PRKAG2: variants seen among roughly 807,000 people sequenced by gnomAD.
PRKAG2 encodes the protein 5'-AMP-activated protein kinase subunit gamma-2.
Under a neutral mutation model 69.6 loss-of-function variants are expected in PRKAG2, and 26 were observed. The observed-to-expected ratio is 0.37, with a 90% confidence interval of 0.27 to 0.52. The LOEUF (loss-of-function observed/expected upper bound fraction) is 0.52. Ranked by LOEUF, PRKAG2 falls within the 20% of genes least tolerant of loss-of-function variation. The pLI is 0.90. For synonymous variants in PRKAG2, 293 were observed against 285.0 expected (o/e 1.03, Z -0.28); for missense variants, 557 against 740.0 (o/e 0.75, Z 2.87).
Position 151,876,542 on chromosome 7 carries a change from T to C in PRKAG2, c.79A>G (p.Ser27Gly). The change falls in exon 1 of 16, where the codon AGC becomes GGC. Residue 27 changes from serine (S) to glycine (G), a missense_variant. Physicochemically the swap from Ser to Gly is moderately conservative, Grantham distance 56. This residue lies in a region of PRKAG2 where 352 missense variants were observed against 356.7 expected (regional missense o/e 0.99). Coordinates refer to ENST00000287878, the MANE Select transcript of PRKAG2 (RefSeq NM_016203.4). ...ACGCGCAGCGAACGCCTCTTCTGGC[T>C]GGCATTTTTCTTGCCGCCGCTCCCG... ...PGGSGGKKNASQKRRSLRVHI... is the reference protein window; with the variant it reads ...PGGSGGKKNAGQKRRSLRVHI... 1 of 1,609,296 alleles carries C rather than the reference T, an allele frequency of 6.2e-7. No homozygotes were observed. Among genetic ancestry groups the C allele is most frequent in the Non-Finnish European group, 8.5e-7 (1 of 1,179,930 alleles).
chr7:151,827,754 A>AAAC (rs2078934832), intron 1 of PRKAG2, among the ~76,000 whole-genome samples: 1 of 147,820 alleles, frequency 6.8e-6, no homozygotes, highest in African/African-American at 2.5e-5. Flanking sequence ...GTAAAAAAAA[A>AAAC]AAAAAAAAAA....
chr7:151,590,999 T>C (rs532294645), intron 6 of PRKAG2, among the ~76,000 whole-genome samples: 1 of 152,220 alleles, frequency 6.6e-6, no homozygotes, highest in Non-Finnish European at 1.5e-5. Flanking sequence ...CAGTGAACTA[T>C]ACAGGAGGAA....
At chr7:151,568,880 G>T in intron 10 of PRKAG2, 38 bp from the exon 11 acceptor site, 1 of 1,611,482 alleles carries the variant, frequency 6.2e-7, no homozygotes, top group South Asian at 1.1e-5. Context: ...GGAGGCTTTC[G>T]AGAAAAATCA....
In PRKAG2 at chr7:151,850,015, G is replaced by T. The variant is rs931502559; in HGVS notation, c.114+26492C>A. Among the ~76,000 whole-genome samples, 6 of 152,200 alleles carry T rather than the reference G, an allele frequency of 3.9e-5. No homozygotes were observed. The highest frequency in any genetic ancestry group is 5.9e-5 in the Non-Finnish European group (4 of 68,036). Reference sequence around the variant, plus strand: ...CGCAGCACGTTTGCCATTTTCCGGAGCGTGCTGTAGCTAGGCACAGAGAGG... The same window carrying T: ...CGCAGCACGTTTGCCATTTTCCGGATCGTGCTGTAGCTAGGCACAGAGAGG... On this transcript the variant is annotated intron_variant, in intron 1 of 15. Coordinates refer to ENST00000287878, the MANE Select transcript of PRKAG2 (RefSeq NM_016203.4). The surrounding 1 kb of genome is among the most constrained non-coding windows in gnomAD (Gnocchi z 4.1).
At chr7:151,751,523 T>TTTA (rs1563591935) in intron 3 of PRKAG2, among the ~76,000 whole-genome samples, 10 of 136,328 alleles carry the variant, frequency 7.3e-5, no homozygotes, top group South Asian at 7.1e-4. Context: ...TTATTTATTT[T>TTTA]TTTGAGACAG....
chr7:151,734,673 C>T (rs1799476109), intron 3 of PRKAG2, among the ~76,000 whole-genome samples: 1 of 152,150 alleles, frequency 6.6e-6, no homozygotes, highest in Non-Finnish European at 1.5e-5. Flanking sequence ...TCTCAGCCTC[C>T]TGAGTAGCTG....
intron 4 of PRKAG2, among the ~76,000 whole-genome samples, chr7:151,651,191 T>C (rs1204201899): frequency 1.3e-5 from 2 of 152,254 alleles, no homozygotes; most frequent in African/African-American, 4.8e-5. Flanking sequence ...AAATGCTTTT[T>C]AGTTATTGTG....
chr7:151,779,784 C>T (rs1025592764), intron 3 of PRKAG2, among the ~76,000 whole-genome samples: 7 of 152,350 alleles, frequency 4.6e-5, no homozygotes, highest in Admixed American at 3.9e-4. Context: ...CACACATCCT[C>T]CTTCTCTTTG....
chr7:151,574,557 C>A (rs748949825), intron 8 of PRKAG2, among the ~76,000 whole-genome samples: 2 of 152,182 alleles, frequency 1.3e-5, no homozygotes, highest in Non-Finnish European at 2.9e-5. Context: ...CTCAACAGGC[C>A]CGCAGAGATA....
Position 151,632,267 on chromosome 7 carries a change from A to C in PRKAG2, c.685-129T>G. 9.7e-7 allele frequency: 1 copy of C among 1,029,778 alleles called. No individual in the cohort carries two copies. The highest frequency in any genetic ancestry group is 1.2e-6 in the Non-Finnish European group (1 of 859,198). 63.8% of individuals were successfully genotyped at this position (1,029,778 alleles called of 1,614,324 possible). ...GCCGGGAGGAGGGGCCTGGCAGGGGACGCGGGCAGCGGGGGCCGGGGGCGG... is the reference window on the plus strand; with the variant it reads ...GCCGGGAGGAGGGGCCTGGCAGGGGCCGCGGGCAGCGGGGGCCGGGGGCGG... On this transcript the variant is annotated intron_variant, in intron 4 of 15. Coordinates refer to ENST00000287878, the MANE Select transcript of PRKAG2 (RefSeq NM_016203.4). This position sits in a 1 kb window ranked among gnomAD's most constrained non-coding sequence, Gnocchi z 4.2.
chr7:151,558,647 C>T (rs570062449), intron 15 of PRKAG2: 4 of 976,256 alleles, frequency 4.1e-6, no homozygotes, highest in Admixed American at 6.1e-5. Flanking sequence ...ATTAGTAACA[C>T]GGAATGTTTT....
intron 1 of PRKAG2, among the ~76,000 whole-genome samples, chr7:151,851,372 C>T (rs960710762): frequency 2.0e-5 from 3 of 151,618 alleles, no homozygotes; most frequent in African/African-American, 7.3e-5. Context: ...AAAATCACTT[C>T]TGCTTTTGCC....
chr7:151,795,777 C>T (rs746737710), intron 1 of PRKAG2, among the ~76,000 whole-genome samples: 25 of 144,772 alleles, frequency 1.7e-4, no homozygotes, highest in Non-Finnish European at 3.5e-4. Context: ...GCTTCTAGTC[C>T]GTCTGCCCAG....
intron 4 of PRKAG2, among the ~76,000 whole-genome samples, chr7:151,647,914 G>T (rs573661738): frequency 7.9e-5 from 12 of 152,210 alleles, no homozygotes; most frequent in Non-Finnish European, 1.8e-4. Flanking sequence ...GTACTGCAGA[G>T]ATAAGAACAG....
intron 3 of PRKAG2, among the ~76,000 whole-genome samples, chr7:151,751,098 CTT>C (rs11386133): frequency 1.2e-4 from 16 of 130,846 alleles, no homozygotes; most frequent in African/African-American, 1.5e-4. Context: ...TCAAAGATTC[CTT>C]TTTTTTTTTT....
intron 1 of PRKAG2, among the ~76,000 whole-genome samples, chr7:151,799,063 T>A (rs2077694338): frequency 6.6e-6 from 1 of 152,132 alleles, no homozygotes; most frequent in African/African-American, 2.4e-5. Context: ...TGTCAGCTTC[T>A]GTTCCCAACT....
intron 3 of PRKAG2, among the ~76,000 whole-genome samples, chr7:151,728,832 G>A (rs553045951): frequency 1.1e-3 from 175 of 152,216 alleles, no homozygotes; most frequent in Non-Finnish European, 2.1e-3. Context: ...GCCCAGCCCC[G>A]TCCACAGGCG....
intron 3 of PRKAG2, among the ~76,000 whole-genome samples, chr7:151,755,585 C>A (rs745918084): frequency 1.3e-5 from 2 of 152,180 alleles, no homozygotes; most frequent in Non-Finnish European, 2.9e-5. Flanking sequence ...CAAATTACTA[C>A]CCAATGGCCC....
At chr7:151,694,676 C>T (rs545666372) in intron 3 of PRKAG2, among the ~76,000 whole-genome samples, 35 of 152,356 alleles carry the variant, frequency 2.3e-4, no homozygotes, top group African/African-American at 7.5e-4. Context: ...ACACACAGCA[C>T]GGAGGGCTTT....
Sources: gnomAD v4.1 joint callset for allele counts (sites outside exome capture counted in the v4.1 genomes callset) on GRCh38, gnomAD v4.1.1 for gene constraint, gnomAD v4.1.1 regional missense constraint, Gnocchi (gnomAD v3.1) non-coding constraint, MANE v1.5 for transcripts, NCBI Gene and HGNC (gene_info 2026-07-23, HGNC 2026-07-21) for gene names.